The following CD99L2 variants were observed in gnomAD, a reference collection of about 807,000 sequenced individuals.
The protein encoded by CD99L2 is CD99 antigen-like protein 2.
Under a neutral mutation model 27.3 loss-of-function variants are expected in CD99L2, and 24 were observed. That is an observed-to-expected ratio of 0.88 (90% CI 0.64 to 1.24). The LOEUF is 1.24. Among genes scored for constraint, CD99L2 ranks in the 50% most tolerant of loss-of-function variants. The pLI, the probability that CD99L2 is intolerant of heterozygous loss-of-function variation, is 0.00. For synonymous variants in CD99L2, 97 were observed against 87.9 expected (o/e 1.10, Z -0.58); for missense variants, 255 against 221.6 (o/e 1.15, Z -0.96).
chrX:150,833,441 GA>G (rs2046475182), intron 1 of CD99L2, among the ~76,000 whole-genome samples: 1 of 111,490 alleles, frequency 9.0e-6, no homozygotes, highest in Non-Finnish European at 1.9e-5. Context: ...ATTTTTCACA[GA>G]AATGGAAAAA....
chrX:150,810,192 T>C (rs1557420329), intron 4 of CD99L2, among the ~76,000 whole-genome samples: 2 of 112,010 alleles, frequency 1.8e-5, no homozygotes, highest in Non-Finnish European at 3.8e-5. Context: ...TTCTCCTGGA[T>C]AGACCTTCTG....
At chrX:150,850,202 G>A (rs1260224359) in intron 1 of CD99L2, among the ~76,000 whole-genome samples, 4 of 111,933 alleles carry the variant, frequency 3.6e-5, no homozygotes, top group African/African-American at 6.5e-5. Flanking sequence ...GGAAGCAGGA[G>A]GAGCCCAAAG....
intron 2 of CD99L2, among the ~76,000 whole-genome samples, chrX:150,830,304 A>T (rs781875443): frequency 8.0e-5 from 9 of 111,844 alleles, no homozygotes; most frequent in Non-Finnish European, 1.7e-4. Context: ...TAATCTCAGT[A>T]TTTTGGGAGG....
chrX:150,786,461 G>A (rs2045596772), intron 7 of CD99L2, among the ~76,000 whole-genome samples: 1 of 111,202 alleles, frequency 9.0e-6, no homozygotes, highest in Admixed American at 9.6e-5. Context: ...ACTTATAAGT[G>A]AGAACATGTG....
intron 4 of CD99L2, among the ~76,000 whole-genome samples, chrX:150,814,419 C>T (rs930143113): frequency 1.5e-4 from 17 of 112,078 alleles, no homozygotes; most frequent in Non-Finnish European, 2.4e-4. Flanking sequence ...CAACATCTCA[C>T]GATGGAATAA....
intron 1 of CD99L2, among the ~76,000 whole-genome samples, chrX:150,885,379 AAAAAAC>A (rs1471368027): frequency 5.5e-5 from 6 of 109,251 alleles, no homozygotes; most frequent in African/African-American, 2.1e-4. Flanking sequence ...AACAACAACA[AAAAAAC>A]AACAACAACA....
chrX:150,816,103 A>G, intron 2 of CD99L2, 25 bp from the exon 3 acceptor site: 2 of 1,188,516 alleles, frequency 1.7e-6, no homozygotes, highest in Non-Finnish European at 2.3e-6. Flanking sequence ...GAGGACAGCA[A>G]GGGGAGCACG....
intron 1 of CD99L2, among the ~76,000 whole-genome samples, chrX:150,893,320 C>T (rs1166668699): frequency 1.8e-5 from 2 of 110,589 alleles, no homozygotes; most frequent in Non-Finnish European, 3.8e-5. Context: ...TTCTCCCTCT[C>T]CCTATCATGC....
chrX:150,785,243 T>A (rs2045575945), intron 7 of CD99L2, among the ~76,000 whole-genome samples: 2 of 110,458 alleles, frequency 1.8e-5, no homozygotes. Context: ...TTGTTGTTCC[T>A]GCTTCTTTAA....
At chrX:150,804,523 G>T in intron 4 of CD99L2, among the ~76,000 whole-genome samples, 1 of 111,509 alleles carries the variant, frequency 9.0e-6, no homozygotes. Flanking sequence ...ATGGTGGGCA[G>T]ATCACGAGGT....
chrX:150,894,398 A>T (rs143293150), intron 1 of CD99L2, among the ~76,000 whole-genome samples: 350 of 111,933 alleles, frequency 3.1e-3, no homozygotes, highest in African/African-American at 0.01. Context: ...TATTTCACAG[A>T]TGAGGAAACC....
At chrX:150,787,220 T>A (rs1006652466) in intron 7 of CD99L2, among the ~76,000 whole-genome samples, 5 of 112,172 alleles carry the variant, frequency 4.5e-5, no homozygotes, top group Non-Finnish European at 9.4e-5. Context: ...TTTAGTTTGA[T>A]GAGGTCCCAT....
chrX:150,768,891 C>G lies in CD99L2; in HGVS notation c.*143G>C, dbSNP rs2043357089. ...GCAGAGAAACCAAACTCACAAACACCCAGAGCTCATCCGGGAAACTCAGAC... is the reference window on the plus strand; with the variant it reads ...GCAGAGAAACCAAACTCACAAACACGCAGAGCTCATCCGGGAAACTCAGAC... On this transcript the variant is annotated 3_prime_UTR_variant, in exon 11 of 11. Coordinates refer to ENST00000370377, the MANE Select transcript of CD99L2 (RefSeq NM_031462.4). 9.5e-7 allele frequency: 1 copy of G among 1,055,287 alleles called. No homozygotes were observed. The highest frequency in any genetic ancestry group is 1.2e-6 in the Non-Finnish European group (1 of 827,627). 87.0% of individuals were successfully genotyped at this position (1,055,287 alleles called of 1,213,427 possible).
chrX:150,868,125 ATAT>A (rs1316313689), intron 1 of CD99L2, among the ~76,000 whole-genome samples: 16 of 105,498 alleles, frequency 1.5e-4, no homozygotes, highest in Non-Finnish European at 2.1e-4. Flanking sequence ...AATAATAATA[ATAT>A]ATTGTATGGT....
chrX:150,807,200 C>T (rs1221039805), intron 4 of CD99L2, among the ~76,000 whole-genome samples: 3 of 110,814 alleles, frequency 2.7e-5, no homozygotes, highest in Non-Finnish European at 1.9e-5. Context: ...ATTTTTTAAT[C>T]TAATCTTCCA....
chrX:150,790,894 T>C (rs1294443664), intron 7 of CD99L2, among the ~76,000 whole-genome samples: 1 of 111,958 alleles, frequency 8.9e-6, no homozygotes, highest in African/African-American at 3.3e-5. Flanking sequence ...CAAGGTCATA[T>C]GTTGAAGTCC....
chrX:150,876,981 T>C (rs943836177), intron 1 of CD99L2, among the ~76,000 whole-genome samples: 5 of 111,701 alleles, frequency 4.5e-5, no homozygotes, highest in African/African-American at 1.6e-4. Context: ...TTTTAAATAC[T>C]GATATAAAAA....
chrX:150,851,959 T>C (rs1436598211), intron 1 of CD99L2, among the ~76,000 whole-genome samples: 1 of 111,887 alleles, frequency 8.9e-6, no homozygotes, highest in Non-Finnish European at 1.9e-5. Flanking sequence ...GTCCCAGAGA[T>C]TAGGATGTGG....
At chrX:150,874,565 CG>C (rs1374216052) in intron 1 of CD99L2, among the ~76,000 whole-genome samples, 1 of 5,539 alleles carries the variant, frequency 1.8e-4, no homozygotes, top group African/African-American at 7.7e-4. Context: ...AAATGGGGGG[CG>C]GGGGCGGGGG....
Sources: gnomAD v4.1 joint callset for allele counts (sites outside exome capture counted in the v4.1 genomes callset) on GRCh38, gnomAD v4.1.1 for gene constraint, MANE v1.5 for transcripts, NCBI Gene and HGNC (gene_info 2026-07-23, HGNC 2026-07-21) for gene names.